Variants in CCL20 observed in about 807,000 individuals in gnomAD.
CCL20 encodes the protein C-C motif chemokine 20.
CCL20 carries 8 observed loss-of-function variants against 10.8 expected under a neutral mutation model. The ratio of observed to expected loss-of-function variants is 0.74; its 90% CI spans 0.44 to 1.34. CCL20 has a LOEUF of 1.34. Among genes scored for constraint, CCL20 ranks in the 40% most tolerant of loss-of-function variants. The probability of loss-of-function intolerance (pLI) is 0.01; values close to 1 mark genes in which losing one functional copy is unlikely to be tolerated. For missense variants in CCL20, 107 were observed against 117.9 expected (o/e 0.91, Z 0.43); for synonymous variants, 40 against 39.4 (o/e 1.02, Z -0.06).
rs1293501357 is a variant in CCL20, at chr2:227,815,942, C to G, written c.192-365C>G. On this transcript the variant is annotated intron_variant, in intron 2 of 3. Coordinates refer to ENST00000358813, the MANE Select transcript of CCL20 (RefSeq NM_004591.3). Reference sequence around the variant, plus strand: ...GTGTTTGAGACCAAAAGTAAAATCTCAGACTAATTATACTATCACATATAA... The same window carrying G: ...GTGTTTGAGACCAAAAGTAAAATCTGAGACTAATTATACTATCACATATAA... The G allele has an allele frequency of 3.3e-5, 8 of 239,692 alleles. No homozygotes were observed. In the East Asian group the frequency reaches 7.6e-4, roughly 23 times the overall value. 14.8% of individuals were successfully genotyped at this position (239,692 alleles called of 1,614,324 possible). A position where few individuals can be genotyped will look rare whatever the true frequency, so the allele number is the denominator to read the frequency against.
At position 227,816,487 on chromosome 2, in the gene CCL20, G is replaced by T. The variant is rs900326494; in HGVS notation, c.269+103G>T. On this transcript the variant is annotated intron_variant, in intron 3 of 3. Transcript: ENST00000358813. ...TGGGATTCTTTAGTTTAACTATTGT[G>T]GAATTTTTAAAGGGAAAATTTGAGT... The T allele has an allele frequency of 1.9e-5, 11 of 568,302 alleles. No individual in the cohort carries two copies. The African/African-American group carries it at 1.9e-4, about 10-fold the overall frequency. The allele number at this position is 568,302 out of a possible 1,614,324, so 35.2% of individuals were successfully genotyped here.
intron 2 of CCL20, 23 bp from the exon 3 acceptor site, chr2:227,816,284 A>G: frequency 6.6e-7 from 1 of 1,507,130 alleles, no homozygotes; most frequent in African/African-American, 1.4e-5. Flanking sequence ...ATTAAACACA[A>G]ATCAAATTTT....
At chr2:227,815,238 A>G in intron 1 of CCL20, 1 of 372,970 alleles carries the variant, frequency 2.7e-6, no homozygotes, top group Non-Finnish European at 4.8e-6. Context: ...CTCGGCACAC[A>G]AACTGTTTTT....
rs1553594921 is a variant in CCL20, at chr2:227,817,384, T to G, written c.*301T>G. 1 of 207,004 alleles carries G rather than the reference T, an allele frequency of 4.8e-6. No homozygotes were observed. The highest frequency in any genetic ancestry group is 9.6e-6 in the Non-Finnish European group (1 of 104,220). 12.8% of individuals were successfully genotyped at this position (207,004 alleles called of 1,614,324 possible). On this transcript the variant is annotated 3_prime_UTR_variant, in exon 4 of 4. Coordinates refer to ENST00000358813, the MANE Select transcript of CCL20 (RefSeq NM_004591.3). ...TTAGTGCAAAGTATAAAATTATATT[T>G]GGGGGGGAATAAGATTATATGGACT...
At chr2:227,814,654 T>C (rs1689996833) in intron 1 of CCL20, among the ~76,000 whole-genome samples, 1 of 151,880 alleles carries the variant, frequency 6.6e-6, no homozygotes, top group Non-Finnish European at 1.5e-5. Context: ...TGATTACAGC[T>C]CACTACAGCC....
At chr2:227,815,031 C>T (rs1048251051) in intron 1 of CCL20, among the ~76,000 whole-genome samples, 1 of 152,134 alleles carries the variant, frequency 6.6e-6, no homozygotes, top group Non-Finnish European at 1.5e-5. Context: ...AGATTAAAAT[C>T]TGCCAATTTA....
chr2:227,816,259 C>A (rs1431208982), intron 2 of CCL20, 48 bp from the exon 3 acceptor site: 1 of 1,049,508 alleles, frequency 9.5e-7, no homozygotes, highest in South Asian at 1.3e-5. Context: ...CTATGAAAAA[C>A]CCATTGAAAA....
Position 227,816,381 on chromosome 2 carries a change from T to C in CCL20, c.266T>C (p.Leu89Pro). 6.3e-7 allele frequency: 1 copy of C among 1,577,684 alleles called. No individual in the cohort carries two copies. ...QTWVKYIVRL[L>P]SKKVKNM ...TGGGTGAAATATATTGTGCGTCTCC[T>C]CAGGTATGTTACACTGACATTTAGC... is the stretch of plus-strand genomic sequence containing the variant. The change falls in exon 3 of 4, where the codon CTC becomes CCC. Residue 89 changes from leucine (L) to proline (P), a missense_variant. Coordinates refer to ENST00000358813, the MANE Select transcript of CCL20 (RefSeq NM_004591.3).
rs374526713 is a variant in CCL20, at chr2:227,815,564, A to G, written c.187A>G (p.Ile63Val). 11 of 1,526,528 alleles carry G rather than the reference A, an allele frequency of 7.2e-6. No individual in the cohort carries two copies. The Admixed American group carries it at 1.0e-4, about 14-fold the overall frequency. The allele number at this position is 1,526,528 out of a possible 1,614,324, so 94.6% of individuals were successfully genotyped here. Residue 63 changes from isoleucine (I) to valine (V), a missense_variant, in exon 2 of 4, where the codon ATC becomes GTC. Ile to Val is a conservative substitution (Grantham distance 29, BLOSUM62 3). Coordinates refer to ENST00000358813, the MANE Select transcript of CCL20 (RefSeq NM_004591.3). ...CAATGAAGGCTGTGACATCAATGCT[A>G]TCATGTAAGTTATTAATTGATTTTA... ...LANEGCDINA[I>V]IFHTKKKLSV...
At position 227,817,149 on chromosome 2, in the gene CCL20, G is replaced by C; in HGVS notation, c.*66G>C. On this transcript the variant is annotated 3_prime_UTR_variant, in exon 4 of 4. Coordinates refer to ENST00000358813, the MANE Select transcript of CCL20 (RefSeq NM_004591.3). ...GAACAGAAAGAACCTTGCTGGGGTT[G>C]GAGGTTTCACTTGCACATCATGGAG... 2 of 1,350,340 alleles carry C rather than the reference G, an allele frequency of 1.5e-6. No individual in the cohort carries two copies. Among genetic ancestry groups the C allele is most frequent in the Non-Finnish European group, 1.1e-6 (1 of 945,054 alleles). 83.6% of individuals were successfully genotyped at this position (1,350,340 alleles called of 1,614,324 possible).
At position 227,813,851 on chromosome 2, in the gene CCL20, C is replaced by A; in HGVS notation, c.-61C>A. Reference sequence around the variant, plus strand: ...ATCCCAGGCTGCTGTCAGAATATAACAGCACTCCCAAAGAACTGGGTACTC... The same window carrying A: ...ATCCCAGGCTGCTGTCAGAATATAAAAGCACTCCCAAAGAACTGGGTACTC... On this transcript the variant is annotated 5_prime_UTR_variant, in exon 1 of 4. Coordinates refer to ENST00000358813, the MANE Select transcript of CCL20 (RefSeq NM_004591.3). 7.8e-7 allele frequency: 1 copy of A among 1,279,074 alleles called. No homozygotes were observed. Among genetic ancestry groups the A allele is most frequent in the Non-Finnish European group, 1.1e-6 (1 of 875,028 alleles). 79.2% of individuals were successfully genotyped at this position (1,279,074 alleles called of 1,614,324 possible).
At chr2:227,815,974 T>G in intron 2 of CCL20, 1 of 249,448 alleles carries the variant, frequency 4.0e-6, no homozygotes, top group East Asian at 8.7e-5. Context: ...ATAATTTTCT[T>G]GATTTATATA....
At position 227,817,074 on chromosome 2, in the gene CCL20, G is replaced by A. The variant is rs1177765471; in HGVS notation, c.282G>A (p.Lys94=). ...TTTCATTTTACAGTAAAAAAGTCAAGAACATGTAAAAACTGTGGCTTTTCT... is the reference window on the plus strand; with the variant it reads ...TTTCATTTTACAGTAAAAAAGTCAAAAACATGTAAAAACTGTGGCTTTTCT... ...YIVRLLSKKV[K]NM Residue 94 remains lysine (K), a synonymous_variant, in exon 4 of 4, where the codon AAG becomes AAA. Transcript: ENST00000358813. The A allele has an allele frequency of 3.1e-6, 5 of 1,607,654 alleles. No individual in the cohort carries two copies. The African/African-American group carries it at 4.0e-5, about 13-fold the overall frequency.
Position 227,817,236 on chromosome 2 carries a change from A to G in CCL20, c.*153A>G. ...TGTCCAATTAATGAAGTTGATTCAT[A>G]TTGCATCATAGTTTGCTTTGTTTAA... On this transcript the variant is annotated 3_prime_UTR_variant, in exon 4 of 4. Coordinates refer to ENST00000358813, the MANE Select transcript of CCL20 (RefSeq NM_004591.3). 1.8e-6 allele frequency: 1 copy of G among 548,494 alleles called. No homozygotes were observed. The highest frequency in any genetic ancestry group is 3.3e-6 in the Non-Finnish European group (1 of 299,076). 34.0% of individuals were successfully genotyped at this position (548,494 alleles called of 1,614,324 possible). A position where few individuals can be genotyped will look rare whatever the true frequency, so the allele number is the denominator to read the frequency against.
chr2:227,817,180 AGTGCTTATCTAATTT>A lies in CCL20; in HGVS notation c.*102_*116del, dbSNP rs1690035635. ...TTCACTTGCACATCATGGAGGGTTT[AGTGCTTATCTAATTT>A]GTGCCTCACTGGACTTGTCCAATTA... is the stretch of plus-strand genomic sequence containing the variant. On this transcript the variant is annotated 3_prime_UTR_variant, in exon 4 of 4. Coordinates refer to ENST00000358813, the MANE Select transcript of CCL20 (RefSeq NM_004591.3). 5.8e-6 allele frequency: 5 copies of A among 857,086 alleles called. No individual in the cohort carries two copies. The highest frequency in any genetic ancestry group is 9.6e-6 in the Non-Finnish European group (5 of 522,392). The allele number at this position is 857,086 out of a possible 1,614,324, so 53.1% of individuals were successfully genotyped here.
chr2:227,814,168 C>T (rs896980898), intron 1 of CCL20, among the ~76,000 whole-genome samples, 181 bp downstream of exon 1: 1 of 152,160 alleles, frequency 6.6e-6, no homozygotes, highest in Non-Finnish European at 1.5e-5. Flanking sequence ...GCGGATCAGG[C>T]TTTCCTCTCT....
chr2:227,815,722 T>C (rs1022782432), intron 2 of CCL20, 154 bp downstream of exon 2: 20 of 586,104 alleles, frequency 3.4e-5, no homozygotes, highest in Admixed American at 6.4e-5. Context: ...GTGGCAAAGA[T>C]AGCTTTGTCT....
At chr2:227,815,624 T>A in intron 2 of CCL20, 56 bp downstream of exon 2, 1 of 982,274 alleles carries the variant, frequency 1.0e-6, no homozygotes, top group Non-Finnish European at 1.6e-6. Context: ...GAAACTTCAG[T>A]TTTAAAAATG....
chr2:227,816,330 C>T lies in CCL20; in HGVS notation c.215C>T (p.Ser72Phe), dbSNP rs770599570. The T allele has an allele frequency of 2.5e-6, 4 of 1,610,682 alleles. No homozygotes were observed. The highest frequency in any genetic ancestry group is 1.1e-5 in the South Asian group (1 of 90,890). Residue 72 changes from serine (S) to phenylalanine (F), a missense_variant, in exon 3 of 4, where the codon TCT (serine) becomes TTT (phenylalanine). By Grantham distance (155) the Ser-to-Phe change is radical. Transcript: ENST00000358813. ...AGCTTTCACACAAAGAAAAAGTTGT[C>T]TGTGTGCGCAAATCCAAAACAGACT... ...AIIFHTKKKLSVCANPKQTWV... is the reference protein window; with the variant it reads ...AIIFHTKKKLFVCANPKQTWV...
Sources: gnomAD v4.1 joint callset for allele counts (sites outside exome capture counted in the v4.1 genomes callset) on GRCh38, gnomAD v4.1.1 for gene constraint, MANE v1.5 for transcripts, NCBI Gene and HGNC (gene_info 2026-07-23, HGNC 2026-07-21) for gene names.